USH2A: variants seen among roughly 807,000 people sequenced by gnomAD.
USH2A encodes Usher syndrome 2A (autosomal recessive, mild).
In USH2A, 443 loss-of-function variants were observed where a neutral mutation model predicts 538.9. The ratio of observed to expected loss-of-function variants is 0.82; its 90% CI spans 0.76 to 0.89. The LOEUF (loss-of-function observed/expected upper bound fraction) is 0.89. Ranked by LOEUF, USH2A falls within the 40% of genes least tolerant of loss-of-function variation. The pLI, the probability that USH2A is intolerant of heterozygous loss-of-function variation, is 0.00. For missense variants in USH2A, 6,633 were observed against 6,324.8 expected (o/e 1.05, Z -1.65); for synonymous variants, 2,413 against 2,273.5 (o/e 1.06, Z -1.75).
chr1:215,824,981 C>T (rs889492289), intron 47 of USH2A, among the ~76,000 whole-genome samples: 1 of 152,064 alleles, frequency 6.6e-6, no homozygotes. Context: ...GTGATAATCT[C>T]AGTTCTGTAC....
intron 21 of USH2A, among the ~76,000 whole-genome samples, chr1:216,141,116 A>G (rs2033593826): frequency 6.6e-6 from 1 of 152,190 alleles, no homozygotes; most frequent in Admixed American, 6.5e-5. Context: ...AATTTGGCAA[A>G]TAGATTCTGT....
intron 47 of USH2A, among the ~76,000 whole-genome samples, chr1:215,817,974 T>C (rs1662905625): frequency 6.6e-6 from 1 of 152,038 alleles, no homozygotes; most frequent in South Asian, 2.1e-4. Flanking sequence ...TGAGGATGAA[T>C]ACTTTTATGA....
intron 34 of USH2A, among the ~76,000 whole-genome samples, chr1:215,998,221 A>G (rs1668183225): frequency 6.6e-6 from 1 of 152,132 alleles, no homozygotes; most frequent in African/African-American, 2.4e-5. Context: ...CGTGCTATTA[A>G]ACTTAAAAAA....
At position 216,147,242 on chromosome 1, in the gene USH2A, G is replaced by A. The variant is rs1185866850; in HGVS notation, c.4627+28010C>T. On this transcript the variant is annotated intron_variant, in intron 21 of 71. Coordinates refer to ENST00000307340, the MANE Select transcript of USH2A (RefSeq NM_206933.4). ...TCCCCAGGTTGTTCCTCGCCAGGCCGAGCTAGGTCCCAATTCTTCCTCAGC... is the reference window on the plus strand; with the variant it reads ...TCCCCAGGTTGTTCCTCGCCAGGCCAAGCTAGGTCCCAATTCTTCCTCAGC... 1.7e-4 allele frequency among the ~76,000 whole-genome samples: 26 copies of A among 151,930 alleles called. No individual in the cohort carries two copies. The East Asian group carries it at 2.7e-3, about 16-fold the overall frequency.
intron 62 of USH2A, among the ~76,000 whole-genome samples, chr1:215,677,093 C>A (rs893286646): frequency 6.6e-6 from 1 of 152,196 alleles, no homozygotes; most frequent in African/African-American, 2.4e-5. Context: ...ATAACCACAT[C>A]GTTCACTGAA....
Position 215,743,282 on chromosome 1 carries a change from T to A in USH2A, c.11443A>T (p.Ser3815Cys). The A allele has an allele frequency of 1.2e-6, 2 of 1,610,616 alleles. No individual in the cohort carries two copies. The highest frequency in any genetic ancestry group is 1.7e-6 in the Non-Finnish European group (2 of 1,178,962). ...ACGGAGAAGGCCAGAGGTGTTACAC[T>A]TCCATCATTGAGTAAGACATTGTAC... ...VEYNVLLNDG[S>C]VTPLAFSVGH... Residue 3815 changes from serine to cysteine, a missense_variant, in exon 59 of 72, where the codon AGT becomes TGT. Ser to Cys is a moderately radical substitution (Grantham distance 112, BLOSUM62 -1). Transcript: ENST00000307340.
intron 11 of USH2A, among the ~76,000 whole-genome samples, chr1:216,253,514 T>C (rs896124528): frequency 6.6e-6 from 1 of 152,200 alleles, no homozygotes; most frequent in African/African-American, 2.4e-5. Context: ...TGGAGCGTCC[T>C]TGCCTTTTGA....
intron 60 of USH2A, among the ~76,000 whole-genome samples, chr1:215,732,544 C>CTTTCTT (rs1660028803): frequency 2.7e-5 from 2 of 73,558 alleles, no homozygotes; most frequent in Admixed American, 2.1e-4. Context: ...TTTTTTCTTT[C>CTTTCTT]TTTTTTTTTT....
At chr1:216,206,103 C>A (rs1206031431) in intron 16 of USH2A, among the ~76,000 whole-genome samples, 1 of 151,982 alleles carries the variant, frequency 6.6e-6, no homozygotes. Context: ...TACTCCACTG[C>A]CAGATTTAAT....
At chr1:216,094,552 T>C (rs1445218638) in intron 22 of USH2A, among the ~76,000 whole-genome samples, 1 of 152,202 alleles carries the variant, frequency 6.6e-6, no homozygotes, top group Non-Finnish European at 1.5e-5. Context: ...AGTCACTCTA[T>C]CATTAAATAT....
At chr1:216,346,434 T>C (rs1291648752) in intron 4 of USH2A, among the ~76,000 whole-genome samples, 1 of 152,096 alleles carries the variant, frequency 6.6e-6, no homozygotes, top group African/African-American at 2.4e-5. Context: ...TATCTGATGT[T>C]TTTTACTTTT....
intron 38 of USH2A, among the ~76,000 whole-genome samples, chr1:215,905,620 G>A (rs1300375335): frequency 6.6e-6 from 1 of 152,064 alleles, no homozygotes; most frequent in Non-Finnish European, 1.5e-5. Flanking sequence ...GGGGTGCACT[G>A]GGCCTTGTCT....
At chr1:216,081,069 C>T (rs1168172013) in intron 26 of USH2A, among the ~76,000 whole-genome samples, 1 of 151,942 alleles carries the variant, frequency 6.6e-6, no homozygotes, top group Non-Finnish European at 1.5e-5. Context: ...AGTTCTCATA[C>T]CCGTATTAGT....
chr1:216,020,839 T>C (rs1434056653), intron 32 of USH2A, among the ~76,000 whole-genome samples: 3 of 152,206 alleles, frequency 2.0e-5, no homozygotes, highest in Admixed American at 6.5e-5. Flanking sequence ...TGGCTGTTTA[T>C]ATGCATCCTT....
At chr1:216,214,029 A>G (rs146861983) in intron 15 of USH2A, among the ~76,000 whole-genome samples, 26 of 152,204 alleles carry the variant, frequency 1.7e-4, no homozygotes, top group African/African-American at 6.3e-4. Flanking sequence ...AATGGCTATA[A>G]TGAAATAGAG....
In USH2A at chr1:216,418,583, C is replaced by A. The variant is rs1372727822; in HGVS notation, c.582G>T (p.Leu194Phe). The change falls in exon 3 of 72, where the codon TTG becomes TTT. Residue 194 changes from leucine to phenylalanine, a missense_variant. Leu to Phe is a conservative substitution (Grantham distance 22, BLOSUM62 0). Transcript: ENST00000307340. ...GTGTCATTACTTTTATTGGAGGTTG[C>A]AAACCATTTACTGTGCGATAATAAA... is the stretch of plus-strand genomic sequence containing the variant. ...TMFYYRTVNG[L>F]QPPIKVMTLG... 6.2e-7 allele frequency: 1 copy of A among 1,613,332 alleles called. No individual in the cohort carries two copies. The highest frequency in any genetic ancestry group is 1.7e-5 in the Admixed American group (1 of 59,934).
intron 38 of USH2A, among the ~76,000 whole-genome samples, chr1:215,922,737 G>C (rs1666133682): frequency 6.6e-6 from 1 of 152,070 alleles, no homozygotes; most frequent in South Asian, 2.1e-4. Context: ...CAAATTTCAA[G>C]GAATGTTGAA....
At chr1:216,288,048 A>T (rs1441672189) in intron 11 of USH2A, among the ~76,000 whole-genome samples, 2 of 152,186 alleles carry the variant, frequency 1.3e-5, no homozygotes, top group East Asian at 3.8e-4. Context: ...TGAGAGTAAC[A>T]TGGTGATATG....
At chr1:215,823,556 C>T (rs769708381) in intron 47 of USH2A, among the ~76,000 whole-genome samples, 4 of 152,028 alleles carry the variant, frequency 2.6e-5, no homozygotes, top group Non-Finnish European at 5.9e-5. Context: ...TCTGACCTTT[C>T]TATATCTGGA....
Sources: gnomAD v4.1 joint callset for allele counts (sites outside exome capture counted in the v4.1 genomes callset) on GRCh38, gnomAD v4.1.1 for gene constraint, MANE v1.5 for transcripts, NCBI Gene and HGNC (gene_info 2026-07-23, HGNC 2026-07-21) for gene names.